The following TMEM220 variants were observed in gnomAD, a reference collection of about 807,000 sequenced individuals.
TMEM220 encodes the protein transmembrane protein 220.
In TMEM220, 21 loss-of-function variants were observed where a neutral mutation model predicts 21.7. The observed-to-expected ratio is 0.97, with a 90% confidence interval of 0.69 to 1.39. TMEM220 has a LOEUF of 1.39. Ranked by LOEUF, TMEM220 falls within the 40% of genes most tolerant of loss-of-function variation. The probability of loss-of-function intolerance (pLI) is 0.00; values close to 1 mark genes in which losing one functional copy is unlikely to be tolerated. For synonymous variants in TMEM220, 80 were observed against 73.6 expected, an observed-to-expected ratio of 1.09 and a Z score of -0.45; for missense variants, 191 against 201.9, an observed-to-expected ratio of 0.95 and a Z score of 0.33.
At chr17:10,717,019 T>C (rs1449583094) in intron 5 of TMEM220, among the ~76,000 whole-genome samples, 1 of 152,270 alleles carries the variant, frequency 6.6e-6, no homozygotes, top group Non-Finnish European at 1.5e-5. Flanking sequence ...AGCAGTTAAC[T>C]CTTGTATCCT....
chr17:10,725,836 A>G (rs1453727101), intron 3 of TMEM220, among the ~76,000 whole-genome samples: 1 of 152,230 alleles, frequency 6.6e-6, no homozygotes, highest in African/African-American at 2.4e-5. Context: ...ACGGAGTTCT[A>G]GCTGCCTATA....
At chr17:10,713,271 A>G (rs1270128728), downstream of TMEM220, 1 of 37,806 alleles carries the variant, frequency 2.6e-5, no homozygotes, top group Non-Finnish European at 4.9e-5. Context: ...ACTCCATCTC[A>G]AAAAAAAAAA....
downstream of TMEM220, chr17:10,711,256 A>C: frequency 1.2e-6 from 1 of 830,668 alleles, no homozygotes; most frequent in Non-Finnish European, 1.8e-6. Context: ...AACAAAATGT[A>C]TTTATAGTTT....
At chr17:10,715,979 G>A (rs2074913692) in intron 5 of TMEM220, 2 of 418,328 alleles carry the variant, frequency 4.8e-6, no homozygotes, top group African/African-American at 4.8e-5. Flanking sequence ...ATCATTTATA[G>A]TTTATAAAAA....
intron 2 of TMEM220, among the ~76,000 whole-genome samples, chr17:10,728,196 A>G (rs1421751230): frequency 6.6e-6 from 1 of 151,888 alleles, no homozygotes; most frequent in East Asian, 1.9e-4. Context: ...TAGAAGATGT[A>G]TGGAACAATG....
chr17:10,721,721 T>C (rs2074994391), intron 5 of TMEM220, among the ~76,000 whole-genome samples: 1 of 151,458 alleles, frequency 6.6e-6, no homozygotes, highest in African/African-American at 2.4e-5. Context: ...TGAAACTGGG[T>C]GATGAGTATA....
At chr17:10,726,914 G>C (rs983468353) in intron 2 of TMEM220, among the ~76,000 whole-genome samples, 1 of 152,212 alleles carries the variant, frequency 6.6e-6, no homozygotes, top group Non-Finnish European at 1.5e-5. Flanking sequence ...CAGGGAATAA[G>C]TAGGGAGGGT....
chr17:10,727,089 C>T (rs890803377), intron 2 of TMEM220, among the ~76,000 whole-genome samples: 4 of 152,094 alleles, frequency 2.6e-5, no homozygotes, highest in Non-Finnish European at 4.4e-5. Context: ...GACATGGGGT[C>T]TATTCCTCCT....
chr17:10,715,691 C>T (rs564404405), intron 5 of TMEM220, 103 bp from the exon 6 acceptor site: 2 of 792,330 alleles, frequency 2.5e-6, no homozygotes, highest in South Asian at 2.7e-5. Context: ...TTAGTATGTT[C>T]TCATCTCAGT....
chr17:10,726,433 C>T lies in TMEM220; in HGVS notation c.103-169G>A, dbSNP rs1159456981. ...AAAGTGGTAGATTCTCCTTTTGTGG[C>T]ACTTAGCACGTCTGCCTGCAATTTT... On this transcript the variant is annotated intron_variant, in intron 2 of 5. Transcript: ENST00000341871. 4.7e-6 allele frequency: 3 copies of T among 638,746 alleles called. No homozygotes were observed. The East Asian group carries it at 8.2e-5, about 17-fold the overall frequency. The allele number at this position is 638,746 out of a possible 1,614,324, so 39.6% of individuals were successfully genotyped here. A position where few individuals can be genotyped will look rare whatever the true frequency, so the allele number is the denominator to read the frequency against.
chr17:10,729,617 CG>C (rs985404665), intron 1 of TMEM220, among the ~76,000 whole-genome samples, 162 bp downstream of exon 1: 1 of 152,152 alleles, frequency 6.6e-6, no homozygotes, highest in African/African-American at 2.4e-5. Context: ...GTCTCTTAGA[CG>C]GGGGAGAAAG....
At chr17:10,723,522 C>T (rs1033209090) in intron 4 of TMEM220, among the ~76,000 whole-genome samples, 193 bp from the exon 5 acceptor site, 1 of 152,122 alleles carries the variant, frequency 6.6e-6, no homozygotes, top group Non-Finnish European at 1.5e-5. Context: ...AATTTAAAGC[C>T]TCATATGAAA....
At chr17:10,726,083 C>A in intron 3 of TMEM220, 121 bp downstream of exon 3, 2 of 726,922 alleles carry the variant, frequency 2.8e-6, no homozygotes, top group Admixed American at 2.4e-5. Context: ...CTTTTATTAT[C>A]AGAAATGAGA....
chr17:10,726,606 G>A (rs757513939), intron 2 of TMEM220, among the ~76,000 whole-genome samples: 7 of 152,136 alleles, frequency 4.6e-5, no homozygotes, highest in Non-Finnish European at 7.3e-5. Flanking sequence ...TTCCCCACTT[G>A]CATAAAAGAA....
chr17:10,728,146 G>T (rs949489168), intron 2 of TMEM220, among the ~76,000 whole-genome samples: 13 of 149,700 alleles, frequency 8.7e-5, no homozygotes, highest in Admixed American at 2.7e-4. Context: ...GGCAACAAGA[G>T]CAAAACTCCG....
Position 10,713,710 on chromosome 17 carries a change from AT to A in TMEM220, c.*1742del, listed in dbSNP as rs1380772551. Reference sequence around the variant, plus strand: ...CTTTGACTGTTTTAATATCAACTAGATTTGTTTTCCCCCTTTTTACTCATTC... The same window carrying A: ...CTTTGACTGTTTTAATATCAACTAGATTGTTTTCCCCCTTTTTACTCATTC... On this transcript the variant is annotated 3_prime_UTR_variant, in exon 6 of 6. Transcript: ENST00000341871. 1 of 152,184 alleles carries A rather than the reference AT, an allele frequency of 6.6e-6. No homozygotes were observed. Among genetic ancestry groups the A allele is most frequent in the East Asian group, 1.9e-4 (1 of 5,198 alleles). 9.4% of individuals were successfully genotyped at this position (152,184 alleles called of 1,614,324 possible). A position where few individuals can be genotyped will look rare whatever the true frequency, so the allele number is the denominator to read the frequency against.
In TMEM220 at chr17:10,727,193, T is replaced by TGG. The variant is rs113399386; in HGVS notation, c.103-931_103-930dup. Among the ~76,000 whole-genome samples, 276 of 151,362 alleles carry TGG rather than the reference T, an allele frequency of 1.8e-3. 1 individual carries two copies. The East Asian group carries it at 0.022, about 12-fold the overall frequency. On this transcript the variant is annotated intron_variant, in intron 2 of 5. Transcript: ENST00000341871. ...GATTGTTTAATTAATTTTTTGGAGA[T>TGG]GGGGGGGGTCTCGCTATGTTGCACA...
chr17:10,728,463 C>G (rs1240369163), intron 2 of TMEM220, among the ~76,000 whole-genome samples: 1 of 152,010 alleles, frequency 6.6e-6, no homozygotes, highest in Non-Finnish European at 1.5e-5. Context: ...GCGCATGCCA[C>G]CACGCCTGGC....
downstream of TMEM220, among the ~76,000 whole-genome samples, chr17:10,711,749 G>C (rs1443418628): frequency 6.6e-6 from 1 of 152,196 alleles, no homozygotes; most frequent in African/African-American, 2.4e-5. Context: ...TGGTCTGTTT[G>C]GGCCACCAGC....
Sources: allele counts gnomAD v4.1 joint callset (sites outside exome capture counted in the v4.1 genomes callset), GRCh38; gene constraint gnomAD v4.1.1; transcripts MANE v1.5; gene names NCBI Gene and HGNC (gene_info 2026-07-23, HGNC 2026-07-21).